Variants in CFAP61 observed in about 807,000 individuals in gnomAD.
The protein encoded by CFAP61 is cilia and flagella associated protein 61.
CFAP61 carries 107 observed loss-of-function variants against 135.6 expected under a neutral mutation model. That is an observed-to-expected ratio of 0.79 (90% CI 0.67 to 0.93). The LOEUF is 0.93. Among genes scored for constraint, CFAP61 ranks in the 40% least tolerant of loss-of-function variants. The probability of loss-of-function intolerance (pLI) is 0.00; values close to 1 mark genes in which losing one functional copy is unlikely to be tolerated. For synonymous variants in CFAP61, 575 were observed against 578.5 expected, an observed-to-expected ratio of 0.99 and a Z score of 0.09; for missense variants, 1,507 against 1,556.2, an observed-to-expected ratio of 0.97 and a Z score of 0.53.
intron 24 of CFAP61, among the ~76,000 whole-genome samples, chr20:20,291,669 T>C (rs2055006993): frequency 6.6e-6 from 1 of 152,204 alleles, no homozygotes; most frequent in Non-Finnish European, 1.5e-5. Context: ...GCTTAGCATC[T>C]GGAATGGCCA....
chr20:20,291,151 A>G (rs1183329975), intron 24 of CFAP61, among the ~76,000 whole-genome samples: 1 of 152,166 alleles, frequency 6.6e-6, no homozygotes, highest in Admixed American at 6.5e-5. Context: ...TAATAAACCT[A>G]CACTGACACA....
At chr20:20,312,582 C>G (rs891174248) in intron 25 of CFAP61, among the ~76,000 whole-genome samples, 2 of 152,014 alleles carry the variant, frequency 1.3e-5, no homozygotes, top group African/African-American at 4.8e-5. Flanking sequence ...TGAAAACTCA[C>G]AAATCTGAGA....
chr20:20,353,252 CA>C (rs2058914013), intron 26 of CFAP61, among the ~76,000 whole-genome samples: 1 of 151,936 alleles, frequency 6.6e-6, no homozygotes. Context: ...GTTCAAAGAT[CA>C]GAAAAAAACA....
chr20:20,337,572 G>GGATA (rs376790268), intron 25 of CFAP61, among the ~76,000 whole-genome samples: 3 of 3,208 alleles, frequency 9.4e-4, no homozygotes, highest in African/African-American at 1.1e-3. Context: ...ATGGATGGAT[G>GGATA]GATGGATAGA....
rs1206548091 is a variant in CFAP61, at chr20:20,277,280, C to T, written c.2618C>T (p.Thr873Ile). 1.2e-6 allele frequency: 2 copies of T among 1,614,048 alleles called. No homozygotes were observed. Among genetic ancestry groups the T allele is most frequent in the African/African-American group, 1.3e-5 (1 of 74,928 alleles). Residue 873 changes from threonine to isoleucine, a missense_variant, in exon 22 of 27, where the codon ACC becomes ATC. By Grantham distance (89) the Thr-to-Ile change is moderately conservative. Transcript: ENST00000245957. Reference protein sequence around the residue: ...IHLVQPPPASTITCINNYSVE... With the variant: ...IHLVQPPPASIITCINNYSVE... ...CTCGTGCAGCCCCCGCCCGCCTCCA[C>T]CATCACCTGCATCAACAACTACTCG...
At chr20:20,091,722 G>T (rs2103719) in intron 7 of CFAP61, among the ~76,000 whole-genome samples, 112,500 of 152,014 alleles carry the variant, frequency 0.74, 42,042 homozygotes, top group East Asian at 0.99. Flanking sequence ...CTGTCACCCA[G>T]ACTGGAGTGC....
chr20:20,353,968 T>C (rs2058947853), intron 26 of CFAP61, among the ~76,000 whole-genome samples: 1 of 152,230 alleles, frequency 6.6e-6, no homozygotes, highest in African/African-American at 2.4e-5. Context: ...ATCTCACTTT[T>C]GGGTATGTAT....
At chr20:20,176,152 A>G (rs6046700) in intron 13 of CFAP61, among the ~76,000 whole-genome samples, 137,077 of 151,876 alleles carry the variant, frequency 0.9, 62,685 homozygotes, top group Middle Eastern at 0.99. Flanking sequence ...ACCACAAAGA[A>G]ATAGCATCTC....
intron 21 of CFAP61, among the ~76,000 whole-genome samples, chr20:20,268,577 G>T (rs2053001187): frequency 6.6e-6 from 1 of 152,176 alleles, no homozygotes. Context: ...CCGGGCTCTA[G>T]AGTTGGATGG....
At chr20:20,208,769 C>T (rs528752428) in intron 17 of CFAP61, among the ~76,000 whole-genome samples, 170 of 152,340 alleles carry the variant, frequency 1.1e-3, no homozygotes, top group African/African-American at 3.9e-3. Flanking sequence ...AGAGCTCTTG[C>T]CTCTGTGGGT....
intron 18 of CFAP61, among the ~76,000 whole-genome samples, chr20:20,242,330 A>C (rs1211253010): frequency 3.9e-5 from 6 of 152,230 alleles, no homozygotes; most frequent in Non-Finnish European, 8.8e-5. Context: ...AGATCAGCTC[A>C]CCCATGAAAT....
chr20:20,280,213 C>T (rs755460029), intron 22 of CFAP61, among the ~76,000 whole-genome samples: 1 of 152,062 alleles, frequency 6.6e-6, no homozygotes, highest in African/African-American at 2.4e-5. Context: ...CAGGGACACG[C>T]AATGAAGAAA....
intron 18 of CFAP61, among the ~76,000 whole-genome samples, chr20:20,230,803 G>A (rs1004209982): frequency 1.3e-5 from 2 of 152,120 alleles, no homozygotes; most frequent in Admixed American, 6.5e-5. Flanking sequence ...TGACCTGCCC[G>A]CCTTGGCCTC....
intron 13 of CFAP61, among the ~76,000 whole-genome samples, chr20:20,174,654 G>A (rs566439550): frequency 1.4e-4 from 21 of 152,210 alleles, no homozygotes; most frequent in Admixed American, 8.5e-4. Flanking sequence ...GCAGCTGATC[G>A]TGGCTGCAGG....
chr20:20,092,391 A>G (rs76952805), intron 7 of CFAP61, among the ~76,000 whole-genome samples: 1,893 of 152,360 alleles, frequency 0.012, 45 homozygotes, highest in African/African-American at 0.044. Flanking sequence ...CTAATTCATG[A>G]TTCTTCATCT....
At chr20:20,218,745 A>G (rs1008415433) in intron 17 of CFAP61, among the ~76,000 whole-genome samples, 1 of 152,162 alleles carries the variant, frequency 6.6e-6, no homozygotes, top group African/African-American at 2.4e-5. Flanking sequence ...ATTTAGACCA[A>G]TTGTTGGCAT....
At chr20:20,201,169 T>C (rs1287199852) in intron 17 of CFAP61, among the ~76,000 whole-genome samples, 2 of 152,150 alleles carry the variant, frequency 1.3e-5, no homozygotes, top group African/African-American at 4.8e-5. Context: ...TATTATTAGA[T>C]TTAACAGACA....
chr20:20,292,385 C>A (rs1473896702), intron 24 of CFAP61, among the ~76,000 whole-genome samples: 5 of 152,174 alleles, frequency 3.3e-5, no homozygotes, highest in Non-Finnish European at 5.9e-5. Flanking sequence ...TGATCTGATG[C>A]AACATTTTCT....
At chr20:20,329,886 G>A (rs115619535) in intron 25 of CFAP61, among the ~76,000 whole-genome samples, 2,223 of 152,324 alleles carry the variant, frequency 0.015, 59 homozygotes, top group African/African-American at 0.05. Flanking sequence ...CGGAGCTCCC[G>A]CCTGCTCTAG....
Sources: allele counts gnomAD v4.1 joint callset (sites outside exome capture counted in the v4.1 genomes callset), GRCh38; gene constraint gnomAD v4.1.1; transcripts MANE v1.5; gene names NCBI Gene and HGNC (gene_info 2026-07-23, HGNC 2026-07-21).